ZNF335: variants seen among roughly 807,000 people sequenced by gnomAD.
ZNF335 encodes zinc finger protein 335, also known as NRC-interacting factor 1.
In ZNF335, 84 loss-of-function variants were observed where a neutral mutation model predicts 145.6. That is an observed-to-expected ratio of 0.58 (90% CI 0.48 to 0.69). The LOEUF (loss-of-function observed/expected upper bound fraction) is 0.69. Ranked by LOEUF, ZNF335 falls within the 30% of genes least tolerant of loss-of-function variation. ZNF335 has a pLI of 0.00. For synonymous variants in ZNF335, 761 were observed against 717.0 expected (o/e 1.06, Z -0.98); for missense variants, 1,865 against 1,809.7 (o/e 1.03, Z -0.55).
In ZNF335 at chr20:45,952,187, G is replaced by A. The variant is rs762789762; in HGVS notation, c.3149C>T (p.Pro1050Leu). Reference sequence around the variant, plus strand: ...CTGGCGGGCACTGAAGGGGCAGTCGGGGCACTTGAAGGCACCAGGCCCAGC... The same window carrying A: ...CTGGCGGGCACTGAAGGGGCAGTCGAGGCACTTGAAGGCACCAGGCCCAGC... Reference protein sequence around the residue: ...AHAGPGAFKCPDCPFSARQWP... With the variant: ...AHAGPGAFKCLDCPFSARQWP... Residue 1050 changes from proline to leucine, a missense_variant, in exon 20 of 28, where the codon CCC (proline) becomes CTC (leucine). Physicochemically the swap from Pro to Leu is moderately conservative, Grantham distance 98. Coordinates refer to ENST00000322927, the MANE Select transcript of ZNF335 (RefSeq NM_022095.4). The A allele has an allele frequency of 3.1e-6, 5 of 1,610,794 alleles. No individual in the cohort carries two copies. The highest frequency in any genetic ancestry group is 4.2e-6 in the Non-Finnish European group (5 of 1,178,428).
At position 45,953,769 on chromosome 20, in the gene ZNF335, A is replaced by C; in HGVS notation, c.2622T>G (p.Gly874=). The C allele has an allele frequency of 6.2e-7, 1 of 1,614,060 alleles. No homozygotes were observed. The highest frequency in any genetic ancestry group is 8.5e-7 in the Non-Finnish European group (1 of 1,179,992). ...PDLPQITLAP[G]PFGGTGYSVI... ...CACTGTAGCCAGTCCCACCAAATGG[A>C]CCAGGTGCCAGGGTGATCTGCGGTA... The change falls in exon 18 of 28, where the codon GGT becomes GGG. Residue 874 remains glycine (G), a synonymous_variant. Coordinates refer to ENST00000322927, the MANE Select transcript of ZNF335 (RefSeq NM_022095.4).
intron 20 of ZNF335, among the ~76,000 whole-genome samples, chr20:45,950,846 G>A (rs1314344799): frequency 6.6e-6 from 1 of 152,108 alleles, no homozygotes; most frequent in Non-Finnish European, 1.5e-5. Context: ...TTACCCATAT[G>A]TAACACAGGT....
In ZNF335 at chr20:45,959,203, C is replaced by G. The variant is rs1250492480; in HGVS notation, c.2251G>C (p.Glu751Gln). The change falls in exon 15 of 28, where the codon GAG becomes CAG. Residue 751 changes from glutamate to glutamine, a missense_variant and splice_region_variant. By Grantham distance (29) the Glu-to-Gln change is conservative. Transcript: ENST00000322927. ...CCTGACCCATGCCCCGACCTTACCT[C>G]AGGAGGTCCTGGGGAACTGGGAGGT... ...GPPPSSPGPP[E>Q]IPPEATTFQS... 1 of 1,368,156 alleles carries G rather than the reference C, an allele frequency of 7.3e-7. No homozygotes were observed. The highest frequency in any genetic ancestry group is 2.8e-5 in the East Asian group (1 of 36,248). 84.8% of individuals were successfully genotyped at this position (1,368,156 alleles called of 1,614,324 possible).
At chr20:45,972,052 G>C (rs1227594543) in intron 1 of ZNF335, 70 bp downstream of exon 1, 2 of 1,262,564 alleles carry the variant, frequency 1.6e-6, no homozygotes, top group Non-Finnish European at 2.1e-6. Flanking sequence ...TCGCCTCCGG[G>C]TATCCCCGCA....
At chr20:45,954,770 C>CTTTTT (rs10577924) in intron 17 of ZNF335, among the ~76,000 whole-genome samples, 3 of 90,164 alleles carry the variant, frequency 3.3e-5, no homozygotes, top group Non-Finnish European at 4.5e-5. Context: ...CATACAATTA[C>CTTTTT]TTTTTTTTTT....
intron 1 of ZNF335, 127 bp from the exon 2 acceptor site, chr20:45,971,587 G>A: frequency 1.4e-6 from 2 of 1,444,750 alleles, no homozygotes; most frequent in South Asian, 1.4e-5. Context: ...ACGGGGCGGA[G>A]CTTCCTGGTG....
Position 45,957,940 on chromosome 20 carries a change from A to T in ZNF335, c.2254-12T>A, listed in dbSNP as rs748947283. The T allele has an allele frequency of 1.9e-6, 3 of 1,612,084 alleles. No homozygotes were observed. In the African/African-American group the frequency reaches 4.0e-5, roughly 22 times the overall value. On this transcript the variant is annotated splice_polypyrimidine_tract_variant and intron_variant, in intron 15 of 27. Transcript: ENST00000322927. Reference sequence around the variant, plus strand: ...GCCTCTGGGGGTATCTATGGGGTGGAGATATGGCCACGCCTGAGAGGGGCC... The same window carrying T: ...GCCTCTGGGGGTATCTATGGGGTGGTGATATGGCCACGCCTGAGAGGGGCC...
In ZNF335 at chr20:45,952,445, C is replaced by A. The variant is rs148007831; in HGVS notation, c.2891G>T (p.Cys964Phe). Residue 964 changes from cysteine (C) to phenylalanine (F), a missense_variant, in exon 20 of 28, where the codon TGT (cysteine) becomes TTT (phenylalanine). Coordinates refer to ENST00000322927, the MANE Select transcript of ZNF335 (RefSeq NM_022095.4). ...AGGGCCGTCTCTGGGCAGTCCCCCA[C>A]ACTGCAGCAGGGGCCATTTGGCACC... is the stretch of plus-strand genomic sequence containing the variant. ...ASGAKWPLLQCGGLPRDGPEP... is the reference protein window; with the variant it reads ...ASGAKWPLLQFGGLPRDGPEP... 2.8e-5 allele frequency: 44 copies of A among 1,567,940 alleles called. No homozygotes were observed. The highest frequency in any genetic ancestry group is 3.5e-5 in the Non-Finnish European group (40 of 1,154,118).
At chr20:45,967,669 T>C (rs367970537) in intron 5 of ZNF335, 35 bp from the exon 6 acceptor site, 6 of 1,611,710 alleles carry the variant, frequency 3.7e-6, no homozygotes, top group Non-Finnish European at 2.5e-6. Context: ...AAGCTTGCCA[T>C]GTCTGGCTCC....
rs532614301 is a variant in ZNF335 at position 45,957,893 on chromosome 20, C to T, written c.2289G>A (p.Glu763=). The change falls in exon 16 of 28, where the codon GAG becomes GAA. Residue 763 remains glutamate, a synonymous_variant. Coordinates refer to ENST00000322927, the MANE Select transcript of ZNF335 (RefSeq NM_022095.4). ...PPEATTFQSS[E]APSLLCSDTL... is the part of the protein sequence containing the mutation. ...TGTCAGAACAGAGCAATGAGGGAGC[C>T]TCAGATGACTGGAAAGTTGTCGCCT... is the stretch of plus-strand genomic sequence containing the variant. 1.9e-6 allele frequency: 3 copies of T among 1,614,032 alleles called. No individual in the cohort carries two copies. Among genetic ancestry groups the T allele is most frequent in the East Asian group, 2.2e-5 (1 of 44,876 alleles).
In ZNF335 at chr20:45,965,615, G is replaced by T. The variant is rs2083937046; in HGVS notation, c.1102+13C>A. The T allele has an allele frequency of 3.1e-6, 5 of 1,591,420 alleles. No homozygotes were observed. Among genetic ancestry groups the T allele is most frequent in the Non-Finnish European group, 4.3e-6 (5 of 1,171,090 alleles). The stretch of plus-strand genomic sequence containing the variant: ...ACCCACCCACACGAGCCCCTCCCAA[G>T]ACCAAGCCTCACCATCTGGGAGGTC... On this transcript the variant is annotated intron_variant, in intron 7 of 27. Transcript: ENST00000322927.
In ZNF335 at chr20:45,964,000, A is replaced by G. The variant is rs1005684091; in HGVS notation, c.1103-10T>C. On this transcript the variant is annotated splice_polypyrimidine_tract_variant and intron_variant, in intron 7 of 27. Coordinates refer to ENST00000322927, the MANE Select transcript of ZNF335 (RefSeq NM_022095.4). ...GGCTCTCCTTCCACACCTGCCACGG[A>G]CATGCCAGGTCACAAGCCAGCCACT... The G allele has an allele frequency of 6.6e-7, 1 of 1,514,528 alleles. No homozygotes were observed. Among genetic ancestry groups the G allele is most frequent in the Non-Finnish European group, 8.8e-7 (1 of 1,133,584 alleles). The allele number at this position is 1,514,528 out of a possible 1,614,324, so 93.8% of individuals were successfully genotyped here.
chr20:45,963,552 T>C lies in ZNF335; in HGVS notation c.1454A>G (p.Asn485Ser), dbSNP rs2083890603. 6 of 1,613,898 alleles carry C rather than the reference T, an allele frequency of 3.7e-6. No homozygotes were observed. Among genetic ancestry groups the C allele is most frequent in the Non-Finnish European group, 5.1e-6 (6 of 1,179,972 alleles). Reference sequence around the variant, plus strand: ...CTGGGGATCGCCAGCCTCATGGGAGTTGACGTGGAAGCGCAGGTCCTCGTG... The same window carrying C: ...CTGGGGATCGCCAGCCTCATGGGAGCTGACGTGGAAGCGCAGGTCCTCGTG... The part of the protein sequence containing the change: ...LSHEDLRFHV[N>S]SHEAGDPQLF... The change falls in exon 9 of 28, where the codon AAC (asparagine) becomes AGC (serine). Residue 485 changes from asparagine (N) to serine (S), a missense_variant. By Grantham distance (46) the Asn-to-Ser change is conservative (BLOSUM62 1). Coordinates refer to ENST00000322927, the MANE Select transcript of ZNF335 (RefSeq NM_022095.4).
At chr20:45,957,204 G>A (rs1209606201) in intron 17 of ZNF335, among the ~76,000 whole-genome samples, 2 of 152,164 alleles carry the variant, frequency 1.3e-5, no homozygotes, top group African/African-American at 4.8e-5. Context: ...TGTAGGAGGT[G>A]TCCCGGAATG....
intron 14 of ZNF335, among the ~76,000 whole-genome samples, chr20:45,959,663 G>A (rs1389621155): frequency 1.3e-5 from 2 of 152,178 alleles, no homozygotes; most frequent in African/African-American, 4.8e-5. Context: ...GCAAAGTCAT[G>A]TGACTACAAG....
Position 45,952,728 on chromosome 20 carries a change from T to C in ZNF335, c.2703-19A>G, listed in dbSNP as rs771738337. ...CTCCTCGCTGTGGGCATGGAGAAGG[T>C]TCTAGGAGAAGATGGAGGGCCACAG... On this transcript the variant is annotated intron_variant, in intron 18 of 27. Transcript: ENST00000322927. The C allele has an allele frequency of 1.2e-6, 2 of 1,611,332 alleles. No individual in the cohort carries two copies. The highest frequency in any genetic ancestry group is 4.5e-5 in the East Asian group (2 of 44,826).
intron 1 of ZNF335, 60 bp from the exon 2 acceptor site, chr20:45,971,520 AC>A: frequency 6.6e-7 from 1 of 1,512,302 alleles, no homozygotes; most frequent in South Asian, 1.2e-5. Context: ...CCCGGCAACC[AC>A]GGCCACCCAT....
At position 45,962,175 on chromosome 20, in the gene ZNF335, A is replaced by G; in HGVS notation, c.1541T>C (p.Met514Thr). Reference sequence around the variant, plus strand: ...GGGCTTGCTGCCCACGTGGTTGAACATGTGCTCCTGGGAGACAGACAAAAG... The same window carrying G: ...GGGCTTGCTGCCCACGTGGTTGAACGTGTGCTCCTGGGAGACAGACAAAAG... ...SRRWSSLKEH[M>T]FNHVGSKPYK... Residue 514 changes from methionine to threonine, a missense_variant, in exon 10 of 28, where the codon ATG (methionine) becomes ACG (threonine). Transcript: ENST00000322927. The G allele has an allele frequency of 1.2e-6, 2 of 1,613,956 alleles. No individual in the cohort carries two copies. Among genetic ancestry groups the G allele is most frequent in the Non-Finnish European group, 1.7e-6 (2 of 1,179,896 alleles).
rs2083572071 is a variant in ZNF335, at chr20:45,948,802, C to G, written c.*151G>C. The G allele has an allele frequency of 7.6e-7, 1 of 1,312,676 alleles. No homozygotes were observed. The highest frequency in any genetic ancestry group is 2.3e-5 in the East Asian group (1 of 42,640). 81.3% of individuals were successfully genotyped at this position (1,312,676 alleles called of 1,614,324 possible). On this transcript the variant is annotated 3_prime_UTR_variant, in exon 28 of 28. Coordinates refer to ENST00000322927, the MANE Select transcript of ZNF335 (RefSeq NM_022095.4). ...CTGGGGCCCATGGCTGCCCCTAACC[C>G]CAACAGCACAGGTCTGGCTCCCTGG...
Sources: allele counts gnomAD v4.1 joint callset (sites outside exome capture counted in the v4.1 genomes callset), GRCh38; gene constraint gnomAD v4.1.1; transcripts MANE v1.5; gene names NCBI Gene and HGNC (gene_info 2026-07-23, HGNC 2026-07-21).